Variants in ZNF610 observed in about 807,000 individuals in gnomAD.
The protein encoded by ZNF610 is zink finger protein.
A neutral mutation model predicts 14.1 loss-of-function variants in ZNF610; 14 were observed. The ratio of observed to expected loss-of-function variants is 0.99; its 90% CI spans 0.65 to 1.55. The LOEUF (loss-of-function observed/expected upper bound fraction) is 1.55. Among genes scored for constraint, ZNF610 ranks in the 40% most tolerant of loss-of-function variants. The pLI is 0.00. For synonymous variants in ZNF610, 185 were observed against 187.6 expected (o/e 0.99, Z 0.11); for missense variants, 530 against 558.0 (o/e 0.95, Z 0.51).
chr19:52,336,074 C>G (rs1427183163), upstream of ZNF610, among the ~76,000 whole-genome samples: 1 of 152,178 alleles, frequency 6.6e-6, no homozygotes, highest in Non-Finnish European at 1.5e-5. Flanking sequence ...ATCTAATCCT[C>G]AACTGACGTT....
intron 5 of ZNF610, among the ~76,000 whole-genome samples, chr19:52,360,234 G>A (rs542968125): frequency 1.1e-4 from 16 of 152,314 alleles, no homozygotes; most frequent in South Asian, 4.1e-4. Context: ...GCAGGTGAAT[G>A]GAGGGCAGGA....
chr19:52,360,583 G>A (rs2657940), intron 5 of ZNF610, among the ~76,000 whole-genome samples: 27,712 of 152,122 alleles, frequency 0.18, 2,873 homozygotes, highest in East Asian at 0.32. Flanking sequence ...TAGATTCCTC[G>A]TATTCCTAAT....
At chr19:52,333,301 A>G (rs1157674650), upstream of ZNF610, among the ~76,000 whole-genome samples, 2 of 152,244 alleles carry the variant, frequency 1.3e-5, no homozygotes, top group Non-Finnish European at 2.9e-5. Context: ...GAAAAGGCTC[A>G]GCAGCAGAAA....
chr19:52,339,303 A>C (rs1984551416), intron 1 of ZNF610, among the ~76,000 whole-genome samples: 1 of 151,782 alleles, frequency 6.6e-6, no homozygotes, highest in South Asian at 2.1e-4. Flanking sequence ...AATCCTCAGC[A>C]CAGACCCTTT....
chr19:52,346,478 A>G (rs1273497630), intron 1 of ZNF610, among the ~76,000 whole-genome samples: 3 of 151,852 alleles, frequency 2.0e-5, no homozygotes, highest in East Asian at 3.9e-4. Flanking sequence ...TTGTATTTTT[A>G]CTAGAGGCAG....
intron 1 of ZNF610, among the ~76,000 whole-genome samples, chr19:52,345,906 A>T (rs561094466): frequency 2.0e-5 from 3 of 150,870 alleles, no homozygotes; most frequent in Admixed American, 2.0e-4. Flanking sequence ...GGGTTTCACC[A>T]TGTTAGCCAG....
chr19:52,364,870 A>G (rs374998154), intron 5 of ZNF610, among the ~76,000 whole-genome samples: 4 of 151,674 alleles, frequency 2.6e-5, no homozygotes, highest in African/African-American at 4.8e-5. Flanking sequence ...GAGCCACTGC[A>G]CCCAGCCGTA....
At chr19:52,338,054 C>A (rs996180470) in intron 1 of ZNF610, among the ~76,000 whole-genome samples, 2 of 152,240 alleles carry the variant, frequency 1.3e-5, no homozygotes, top group African/African-American at 4.8e-5. Context: ...TCATCAGACA[C>A]CACCTGGGTG....
In ZNF610 at chr19:52,353,709, A is replaced by G. The variant is rs1461371118; in HGVS notation, c.91A>G (p.Ile31Val). 1 of 1,613,928 alleles carries G rather than the reference A, an allele frequency of 6.2e-7. No individual in the cohort carries two copies. Among genetic ancestry groups the G allele is most frequent in the East Asian group, 2.2e-5 (1 of 44,864 alleles). ...ACGCTTGACATTCATGGACGTGGCC[A>G]TCGAATTCTCTCAGGAGGAGTGGAA... ...QGRLTFMDVAIEFSQEEWKSL... is the reference protein window; with the variant it reads ...QGRLTFMDVAVEFSQEEWKSL... The change falls in exon 4 of 6, where the codon ATC becomes GTC. Residue 31 changes from isoleucine (I) to valine (V), a missense_variant. Coordinates refer to ENST00000403906, the MANE Select transcript of ZNF610 (RefSeq NM_001161425.2).
chr19:52,366,241 A>C lies in ZNF610; in HGVS notation c.863A>C (p.His288Pro). ...HQRIHTGEKPHKCNECGKAFR... is the reference protein window; with the variant it reads ...HQRIHTGEKPPKCNECGKAFR... ...AGAATTCATACTGGAGAGAAGCCTC[A>C]CAAATGTAACGAATGTGGCAAAGCT... Residue 288 changes from histidine (H) to proline (P), a missense_variant, in exon 6 of 6, where the codon CAC becomes CCC. Coordinates refer to ENST00000403906, the MANE Select transcript of ZNF610 (RefSeq NM_001161425.2). The C allele has an allele frequency of 6.2e-7, 1 of 1,614,196 alleles. No individual in the cohort carries two copies. The highest frequency in any genetic ancestry group is 8.5e-7 in the Non-Finnish European group (1 of 1,180,028).
At chr19:52,337,685 G>A (rs573325223) in intron 1 of ZNF610, among the ~76,000 whole-genome samples, 2 of 152,274 alleles carry the variant, frequency 1.3e-5, no homozygotes, top group Non-Finnish European at 2.9e-5. Flanking sequence ...GCAGATGAGC[G>A]ATGAGTTGAT....
the ZNF610 span, among the ~76,000 whole-genome samples, chr19:52,330,847 G>A: frequency 2.6e-5 from 4 of 152,332 alleles, no homozygotes; most frequent in East Asian, 7.7e-4. Context: ...GACCAAGAAG[G>A]ATCTATTAAT....
chr19:52,339,678 T>C (rs1299216302), intron 1 of ZNF610, among the ~76,000 whole-genome samples: 1 of 152,184 alleles, frequency 6.6e-6, no homozygotes, highest in Admixed American at 6.5e-5. Flanking sequence ...CTCTTATGTC[T>C]ACTTCTTTCT....
chr19:52,333,980 A>T, upstream of ZNF610, among the ~76,000 whole-genome samples: 1 of 152,060 alleles, frequency 6.6e-6, no homozygotes, highest in South Asian at 2.1e-4. Context: ...CACATCCCAC[A>T]GGCCTTCAGC....
In ZNF610 at chr19:52,367,122, T is replaced by TTA. The variant is rs1986143333; in HGVS notation, c.*355_*356insTA. The stretch of plus-strand genomic sequence containing the variant: ...AGTAATAAAGTTTAAAGTTTTTTTT[T>TTA]AGTTTTTTCTTTTTTTTTTGAGACG... On this transcript the variant is annotated 3_prime_UTR_variant, in exon 6 of 6. Transcript: ENST00000403906. The TTA allele has an allele frequency of 4.8e-6, 1 of 207,806 alleles. No homozygotes were observed. Among genetic ancestry groups the TTA allele is most frequent in the South Asian group, 1.7e-4 (1 of 5,930 alleles). 12.9% of individuals were successfully genotyped at this position (207,806 alleles called of 1,614,324 possible). A position where few individuals can be genotyped will look rare whatever the true frequency, so the allele number is the denominator to read the frequency against.
chr19:52,359,798 C>T (rs926418436), intron 5 of ZNF610, among the ~76,000 whole-genome samples: 1 of 152,142 alleles, frequency 6.6e-6, no homozygotes, highest in African/African-American at 2.4e-5. Flanking sequence ...TCAAAGGCTT[C>T]CCCCATTTCC....
intron 3 of ZNF610, among the ~76,000 whole-genome samples, chr19:52,351,480 A>G (rs1204251266): frequency 6.6e-6 from 1 of 151,310 alleles, no homozygotes; most frequent in Non-Finnish European, 1.5e-5. Flanking sequence ...GAAAGAAATC[A>G]GTCACCTCTC....
chr19:52,354,858 C>T (rs761175217), intron 5 of ZNF610, among the ~76,000 whole-genome samples: 9 of 152,048 alleles, frequency 5.9e-5, no homozygotes, highest in Non-Finnish European at 8.8e-5. Flanking sequence ...GGATTACAGA[C>T]GTGAGCCACC....
chr19:52,348,792 C>T (rs528461941), intron 2 of ZNF610, among the ~76,000 whole-genome samples: 4 of 152,188 alleles, frequency 2.6e-5, no homozygotes, highest in African/African-American at 9.6e-5. Context: ...GCTCTGTGTC[C>T]TCCATTTCTG....
Sources: gnomAD v4.1 joint callset for allele counts (sites outside exome capture counted in the v4.1 genomes callset) on GRCh38, gnomAD v4.1.1 for gene constraint, MANE v1.5 for transcripts, NCBI Gene and HGNC (gene_info 2026-07-23, HGNC 2026-07-21) for gene names.